RBL1: variants seen among roughly 807,000 people sequenced by gnomAD.
The protein encoded by RBL1 is retinoblastoma-like protein 1.
RBL1 carries 82 observed loss-of-function variants against 123.0 expected under a neutral mutation model. The ratio of observed to expected loss-of-function variants is 0.67; its 90% CI spans 0.56 to 0.80. The LOEUF (loss-of-function observed/expected upper bound fraction) is 0.80. RBL1 is among the 30% of genes least tolerant of loss of function. The pLI is 0.00. For synonymous variants in RBL1, 405 were observed against 441.3 expected (o/e 0.92, Z 1.03); for missense variants, 1,171 against 1,299.6 (o/e 0.90, Z 1.52).
In RBL1 at chr20:37,046,785, G is replaced by C. The variant is rs1252523087; in HGVS notation, c.1605+268C>G. 2.6e-5 allele frequency among the ~76,000 whole-genome samples: 4 copies of C among 151,406 alleles called. No individual in the cohort carries two copies. In the Admixed American group the frequency reaches 2.6e-4, roughly 10 times the overall value. On this transcript the variant is annotated intron_variant, in intron 12 of 21. Coordinates refer to ENST00000373664, the MANE Select transcript of RBL1 (RefSeq NM_002895.5). ...CACAATGCCTGGCTAATTTTTTTTG[G>C]TATTTTTAGTAGAGACGGAGTTTCA...
intron 13 of RBL1, 34 bp downstream of exon 13, chr20:37,044,052 T>TTTA: frequency 7.1e-7 from 1 of 1,412,876 alleles, no homozygotes; most frequent in Non-Finnish European, 9.5e-7. Context: ...TTTTTTTTTT[T>TTTA]AATGATACGA....
rs2065088495 is a variant in RBL1 at position 37,061,213 on chromosome 20, T to G, written c.1140A>C (p.Lys380Asn). ...ATGCAACAGGAGTAATGACTGCTTCTTTTTCTCGTAAATATCTCCGTCCGG... is the reference window on the plus strand; with the variant it reads ...ATGCAACAGGAGTAATGACTGCTTCGTTTTCTCGTAAATATCTCCGTCCGG... ...PLTGRRYLRE[K>N]EAVITPVASA... The change falls in exon 9 of 22, where the codon AAA becomes AAC. Residue 380 changes from lysine (K) to asparagine (N), a missense_variant. By Grantham distance (94) the Lys-to-Asn change is moderately conservative. Coordinates refer to ENST00000373664, the MANE Select transcript of RBL1 (RefSeq NM_002895.5). The G allele has an allele frequency of 1.2e-6, 2 of 1,614,024 alleles. No homozygotes were observed. Among genetic ancestry groups the G allele is most frequent in the Non-Finnish European group, 1.7e-6 (2 of 1,180,000 alleles).
Position 37,067,245 on chromosome 20 carries a change from CAA to C in RBL1, c.542_543del (p.Phe181CysfsTer4). 1 of 1,604,790 alleles carries C rather than the reference CAA, an allele frequency of 6.2e-7. No individual in the cohort carries two copies. Among genetic ancestry groups the C allele is most frequent in the Non-Finnish European group, 8.5e-7 (1 of 1,177,372 alleles). On this transcript the variant is annotated frameshift_variant, in exon 4 of 22. Coordinates refer to ENST00000373664, the MANE Select transcript of RBL1 (RefSeq NM_002895.5). LOFTEE classifies it high-confidence loss of function. ...AGTGTCATCTTACCCTTAGTATAAA[CAA>C]AAAGTGTCCAACAGAAATTAAACAG... ...KDLFNFCWTL[F>X]VYTKGNFRMI...
At chr20:37,064,905 C>A (rs1054321797) in intron 7 of RBL1, among the ~76,000 whole-genome samples, 3 of 150,802 alleles carry the variant, frequency 2.0e-5, no homozygotes, top group Non-Finnish European at 4.4e-5. Context: ...GGATTACAGG[C>A]GTGAGCCACC....
rs2064025306 is a variant in RBL1, at chr20:37,003,824, G to A, written c.2914C>T (p.Gln972Ter). Residue 972 changes from glutamine to a stop codon, truncating the protein, a stop_gained, in exon 21 of 22, where the codon CAG becomes TAG. Coordinates refer to ENST00000373664, the MANE Select transcript of RBL1 (RefSeq NM_002895.5). LOFTEE classifies it high-confidence loss of function. Reference sequence around the variant, plus strand: ...GAAATGCGGCGTGGTGAGCCTGGCTGTTGTTTAATATGTGGAAAAGGAGAG... The same window carrying A: ...GAAATGCGGCGTGGTGAGCCTGGCTATTGTTTAATATGTGGAAAAGGAGAG... Reference protein sequence around the residue: ...PLSPFPHIKQQPGSPRRISQQ... With the variant: ...PLSPFPHIKQ 1 of 1,613,798 alleles carries A rather than the reference G, an allele frequency of 6.2e-7. No individual in the cohort carries two copies. The highest frequency in any genetic ancestry group is 1.1e-5 in the South Asian group (1 of 91,064).
At chr20:37,066,335 T>C (rs1402466979) in intron 6 of RBL1, among the ~76,000 whole-genome samples, 2 of 152,252 alleles carry the variant, frequency 1.3e-5, no homozygotes, top group Non-Finnish European at 2.9e-5. Context: ...ACTGTGGTTG[T>C]TATACATCAT....
chr20:37,073,642 G>A (rs1568882700), intron 2 of RBL1, among the ~76,000 whole-genome samples: 4 of 147,476 alleles, frequency 2.7e-5, no homozygotes, highest in Admixed American at 2.1e-4. Context: ...AGGCTGCAGT[G>A]AGCTGTGACC....
At chr20:37,081,807 C>T (rs2146325883) in intron 2 of RBL1, 1 of 334,016 alleles carries the variant, frequency 3.0e-6, no homozygotes, top group East Asian at 8.3e-5. Context: ...CCAGCTCCAT[C>T]AAGTGTGGAA....
At chr20:37,002,116 T>C (rs919051405) in intron 21 of RBL1, among the ~76,000 whole-genome samples, 2 of 151,954 alleles carry the variant, frequency 1.3e-5, no homozygotes, top group Non-Finnish European at 2.9e-5. Flanking sequence ...CACTGCAAGC[T>C]CTGCCTCCTG....
At chr20:37,057,069 A>G (rs1448454311) in intron 9 of RBL1, among the ~76,000 whole-genome samples, 2 of 148,996 alleles carry the variant, frequency 1.3e-5, no homozygotes, top group Non-Finnish European at 3.0e-5. Flanking sequence ...ATCTACACAC[A>G]CACACATACA....
intron 18 of RBL1, 105 bp from the exon 19 acceptor site, chr20:37,018,474 T>C: frequency 7.0e-7 from 1 of 1,423,688 alleles, no homozygotes; most frequent in South Asian, 1.6e-5. Flanking sequence ...AAACTATTTG[T>C]CTGTATAAGT....
chr20:37,004,936 G>A (rs1033077843), intron 20 of RBL1, among the ~76,000 whole-genome samples: 7 of 151,800 alleles, frequency 4.6e-5, no homozygotes, highest in South Asian at 2.1e-4. Flanking sequence ...CCTGCCACTC[G>A]GGAGGCTGAG....
intron 15 of RBL1, 41 bp downstream of exon 15, chr20:37,035,201 T>A: frequency 6.5e-7 from 1 of 1,535,364 alleles, no homozygotes; most frequent in Non-Finnish European, 8.8e-7. Flanking sequence ...CTTAAATTTT[T>A]ATCTCAGAAA....
intron 15 of RBL1, among the ~76,000 whole-genome samples, 191 bp from the exon 16 acceptor site, chr20:37,033,067 G>A (rs1282972853): frequency 6.7e-6 from 1 of 150,046 alleles, no homozygotes; most frequent in Non-Finnish European, 1.5e-5. Context: ...ACTCAGGCTG[G>A]AGTGCAGTGG....
At chr20:37,058,676 A>G in intron 9 of RBL1, among the ~76,000 whole-genome samples, 1 of 152,036 alleles carries the variant, frequency 6.6e-6, no homozygotes, top group Non-Finnish European at 1.5e-5. Flanking sequence ...AAGTCCTGGG[A>G]TTACAGATAT....
At position 37,095,923 on chromosome 20, in the gene RBL1, G is replaced by C. The variant is rs1436289644; in HGVS notation, c.6C>G (p.Phe2Leu). 9.5e-6 allele frequency: 15 copies of C among 1,584,534 alleles called. No homozygotes were observed. Among genetic ancestry groups the C allele is most frequent in the Non-Finnish European group, 1.2e-5 (14 of 1,165,674 alleles). M[F>L]EDKPHAEGAA... ...CCCCCTCAGCGTGGGGCTTGTCCTC[G>C]AACATCCCTTCAGGCCCCGCGGGCT... Residue 2 changes from phenylalanine to leucine, a missense_variant, in exon 1 of 22, where the codon TTC (phenylalanine) becomes TTG (leucine). Coordinates refer to ENST00000373664, the MANE Select transcript of RBL1 (RefSeq NM_002895.5).
At chr20:37,006,407 G>A (rs1191412117) in intron 20 of RBL1, among the ~76,000 whole-genome samples, 2 of 150,234 alleles carry the variant, frequency 1.3e-5, no homozygotes, top group Non-Finnish European at 3.0e-5. Flanking sequence ...TGGCCAGGCT[G>A]GTCTCAAACT....
chr20:37,066,185 C>A (rs2146301681), intron 6 of RBL1, among the ~76,000 whole-genome samples: 1 of 152,214 alleles, frequency 6.6e-6, no homozygotes, highest in Middle Eastern at 3.4e-3. Context: ...GAAATTGAAA[C>A]CCAAAGGAAC....
At chr20:37,054,385 T>C (rs1600539250) in intron 11 of RBL1, among the ~76,000 whole-genome samples, 1 of 152,020 alleles carries the variant, frequency 6.6e-6, no homozygotes, top group Non-Finnish European at 1.5e-5. Context: ...GTCGGGAGGC[T>C]GAGGCAGAGA....
Sources: gnomAD v4.1 joint callset for allele counts (sites outside exome capture counted in the v4.1 genomes callset) on GRCh38, gnomAD v4.1.1 for gene constraint, MANE v1.5 for transcripts, NCBI Gene and HGNC (gene_info 2026-07-23, HGNC 2026-07-21) for gene names.